Variants in ZNF215 observed in about 807,000 individuals in gnomAD.
The protein encoded by ZNF215 is zinc finger protein 215.
In ZNF215, 24 loss-of-function variants were observed where a neutral mutation model predicts 27.2. The observed-to-expected ratio is 0.88, with a 90% CI of 0.64 to 1.24. ZNF215 has a LOEUF of 1.24. Ranked by LOEUF, ZNF215 falls within the 50% of genes most tolerant of loss-of-function variation. ZNF215 has a pLI of 0.00. For synonymous variants in ZNF215, 210 were observed against 204.0 expected, an observed-to-expected ratio of 1.03 and a Z score of -0.25; for missense variants, 675 against 605.7, an observed-to-expected ratio of 1.11 and a Z score of -1.20.
intron 5 of ZNF215, among the ~76,000 whole-genome samples, chr11:6,966,608 C>T (rs1299531829): frequency 6.6e-6 from 1 of 152,124 alleles, no homozygotes; most frequent in Non-Finnish European, 1.5e-5. Flanking sequence ...TCTATAGGAT[C>T]TATAGTCCCT....
chr11:6,943,794 A>G, intron 6 of ZNF215, among the ~76,000 whole-genome samples, 153 bp downstream of exon 6: 1 of 152,184 alleles, frequency 6.6e-6, no homozygotes. Flanking sequence ...TTTTGTTCAC[A>G]GGTTCTTTTT....
In ZNF215 at chr11:6,943,596, A is replaced by T; in HGVS notation, c.667A>T (p.Lys223Ter). 6.2e-7 allele frequency: 1 copy of T among 1,614,142 alleles called. No individual in the cohort carries two copies. Among genetic ancestry groups the T allele is most frequent in the African/African-American group, 1.3e-5 (1 of 75,056 alleles). The change falls in exon 6 of 7, where the codon AAA becomes TAA. Residue 223 changes from lysine to a stop codon, truncating the protein, a stop_gained. Coordinates refer to ENST00000278319, the MANE Select transcript of ZNF215 (RefSeq NM_013250.4). LOFTEE classifies it low-confidence loss of function (END_TRUNC). ...FESLKLESKK[K>*]RWIMEKEIPR... Reference sequence around the variant, plus strand: ...GAGCCTTAAGTTGGAGAGTAAGAAAAAAAGATGGATAATGGAGAAAGAAAT... The same window carrying T: ...GAGCCTTAAGTTGGAGAGTAAGAAATAAAGATGGATAATGGAGAAAGAAAT...
intron 2 of ZNF215, among the ~76,000 whole-genome samples, chr11:6,930,118 T>C (rs1849198855): frequency 6.6e-6 from 1 of 152,002 alleles, no homozygotes; most frequent in South Asian, 2.1e-4. Flanking sequence ...TTTTAATTTT[T>C]TGAGCATTTC....
In ZNF215 at chr11:6,956,413, G is replaced by A. The variant is rs776475795; in HGVS notation, c.1436G>A (p.Arg479Gln). 17 of 1,613,918 alleles carry A rather than the reference G, an allele frequency of 1.1e-5. No individual in the cohort carries two copies. The highest frequency in any genetic ancestry group is 5.5e-5 in the South Asian group (5 of 91,066). Residue 479 changes from arginine to glutamine, a missense_variant, in exon 7 of 7, where the codon CGA becomes CAA. Coordinates refer to ENST00000278319, the MANE Select transcript of ZNF215 (RefSeq NM_013250.4). ...KSFNRSSSLIRHQMIHTGEKP... is the reference protein window; with the variant it reads ...KSFNRSSSLIQHQMIHTGEKP... ...TTCAACCGGAGCTCCTCTCTTATTC[G>A]ACACCAAATGATTCACACGGGAGAG...
intron 5 of ZNF215, among the ~76,000 whole-genome samples, chr11:6,964,918 A>G (rs910750150): frequency 5.3e-5 from 8 of 152,072 alleles, no homozygotes; most frequent in Admixed American, 4.6e-4. Flanking sequence ...GTAACAATCT[A>G]AGAAACTCTT....
downstream of ZNF215, among the ~76,000 whole-genome samples, chr11:6,990,302 G>A (rs1851102681): frequency 6.6e-6 from 1 of 152,118 alleles, no homozygotes; most frequent in Non-Finnish European, 1.5e-5. Flanking sequence ...CTTAACAATG[G>A]TGAAGGGAAA....
chr11:6,963,199 C>T (rs1178131611), intron 5 of ZNF215, among the ~76,000 whole-genome samples: 1 of 152,006 alleles, frequency 6.6e-6, no homozygotes, highest in East Asian at 1.9e-4. Context: ...AAAATTCTCT[C>T]CTATTCTTTT....
chr11:6,949,776 C>T (rs1018897476), intron 6 of ZNF215, among the ~76,000 whole-genome samples: 1 of 152,124 alleles, frequency 6.6e-6, no homozygotes, highest in African/African-American at 2.4e-5. Flanking sequence ...GTTTCCATTG[C>T]TTTTGGTGTT....
At chr11:6,979,042 A>G (rs1214323690) in intron 5 of ZNF215, among the ~76,000 whole-genome samples, 1 of 152,038 alleles carries the variant, frequency 6.6e-6, no homozygotes, top group East Asian at 1.9e-4. Flanking sequence ...CCTAAATTTT[A>G]TGCTGTTTTA....
chr11:6,939,568 C>T (rs1381049273), intron 3 of ZNF215, among the ~76,000 whole-genome samples: 2 of 152,016 alleles, frequency 1.3e-5, no homozygotes, highest in African/African-American at 2.4e-5. Flanking sequence ...TTTCCAAGAT[C>T]GTAGTGCTTA....
At chr11:6,963,022 C>T (rs989596384), downstream of ZNF215, among the ~76,000 whole-genome samples, 3 of 152,050 alleles carry the variant, frequency 2.0e-5, no homozygotes, top group African/African-American at 7.2e-5. Flanking sequence ...ACTATCAATT[C>T]TCAAGCAAAT....
chr11:6,949,896 A>G (rs1040447335), intron 6 of ZNF215, among the ~76,000 whole-genome samples: 4 of 152,100 alleles, frequency 2.6e-5, no homozygotes, highest in African/African-American at 9.7e-5. Context: ...ATCCATCTTG[A>G]ATTAATTTTT....
chr11:6,959,890 T>C (rs1484618926), downstream of ZNF215, among the ~76,000 whole-genome samples: 2 of 152,184 alleles, frequency 1.3e-5, no homozygotes, highest in Non-Finnish European at 2.9e-5. Flanking sequence ...TAGGTGTTTA[T>C]AAGAATTTAG....
At chr11:6,993,032 T>C (rs1259915715), downstream of ZNF215, among the ~76,000 whole-genome samples, 2 of 152,222 alleles carry the variant, frequency 1.3e-5, no homozygotes, top group African/African-American at 4.8e-5. Flanking sequence ...ATAGTCATGC[T>C]TTGATGTACT....
In ZNF215 at chr11:6,956,133, A is replaced by G. The variant is rs374222925; in HGVS notation, c.1156A>G (p.Lys386Glu). Reference sequence around the variant, plus strand: ...TTCCTATGAATGTTATCAATGTGGGAAAGCCTTCTGCCGAAGTTCATCCCT... The same window carrying G: ...TTCCTATGAATGTTATCAATGTGGGGAAGCCTTCTGCCGAAGTTCATCCCT... ...MNSYECYQCG[K>E]AFCRSSSLIR... The change falls in exon 7 of 7, where the codon AAA becomes GAA. Residue 386 changes from lysine (K) to glutamate (E), a missense_variant. Coordinates refer to ENST00000278319, the MANE Select transcript of ZNF215 (RefSeq NM_013250.4). 16 of 1,613,742 alleles carry G rather than the reference A, an allele frequency of 9.9e-6. No homozygotes were observed. Among genetic ancestry groups the G allele is most frequent in the Non-Finnish European group, 1.4e-5 (16 of 1,180,010 alleles).
downstream of ZNF215, among the ~76,000 whole-genome samples, chr11:6,984,935 G>GT (rs1851030266): frequency 6.6e-6 from 1 of 152,048 alleles, no homozygotes; most frequent in Non-Finnish European, 1.5e-5. Flanking sequence ...AACTGCACTG[G>GT]TCACGATGGA....
chr11:6,981,695 C>T (rs1418714971), intron 5 of ZNF215, among the ~76,000 whole-genome samples: 1 of 152,198 alleles, frequency 6.6e-6, no homozygotes, highest in Non-Finnish European at 1.5e-5. Flanking sequence ...ATGCCTATGT[C>T]TTGAATGGTA....
chr11:6,950,209 G>A (rs1256547514), intron 6 of ZNF215, among the ~76,000 whole-genome samples: 6,075 of 116,236 alleles, frequency 0.052, 283 homozygotes, highest in Middle Eastern at 0.068. Context: ...TTGACTTGGC[G>A]ATGGGGCTCT....
At chr11:6,973,011 C>T (rs562481686) in intron 5 of ZNF215, among the ~76,000 whole-genome samples, 8 of 152,110 alleles carry the variant, frequency 5.3e-5, no homozygotes, top group Admixed American at 4.6e-4. Flanking sequence ...TACCCATTAA[C>T]TCGTCATTTA....
Sources: gnomAD v4.1 joint callset for allele counts (sites outside exome capture counted in the v4.1 genomes callset) on GRCh38, gnomAD v4.1.1 for gene constraint, MANE v1.5 for transcripts, NCBI Gene and HGNC (gene_info 2026-07-23, HGNC 2026-07-21) for gene names.